Variants in PCDH9 observed in about 807,000 individuals in gnomAD.
PCDH9 encodes protocadherin 9.
PCDH9 carries 24 observed loss-of-function variants against 70.6 expected under a neutral mutation model. That is an observed-to-expected ratio of 0.34 (90% CI 0.25 to 0.48). PCDH9 has a LOEUF of 0.48. Ranked by LOEUF, PCDH9 falls within the 20% of genes least tolerant of loss-of-function variation. PCDH9 has a pLI of 0.99. For synonymous variants in PCDH9, 562 were observed against 558.5 expected, an observed-to-expected ratio of 1.01 and a Z score of -0.09; for missense variants, 1,281 against 1,503.6, an observed-to-expected ratio of 0.85 and a Z score of 2.45.
intron 3 of PCDH9, among the ~76,000 whole-genome samples, chr13:66,654,373 T>A (rs2077898113): frequency 6.6e-6 from 1 of 151,808 alleles, no homozygotes; most frequent in South Asian, 2.1e-4. Flanking sequence ...AAAAATATAA[T>A]TAGAAAGGAT....
chr13:66,310,292 G>C (rs1035010896), intron 4 of PCDH9, among the ~76,000 whole-genome samples: 1 of 151,864 alleles, frequency 6.6e-6, no homozygotes, highest in African/African-American at 2.4e-5. Flanking sequence ...TCATCTTCTC[G>C]TTAAACACCA....
At chr13:66,320,967 G>C (rs556178239) in intron 4 of PCDH9, among the ~76,000 whole-genome samples, 1 of 151,830 alleles carries the variant, frequency 6.6e-6, no homozygotes, top group Non-Finnish European at 1.5e-5. Flanking sequence ...AGTGTTTTTC[G>C]CTAAATCTAA....
At chr13:67,091,268 A>T (rs1316761988) in intron 2 of PCDH9, among the ~76,000 whole-genome samples, 1 of 152,192 alleles carries the variant, frequency 6.6e-6, no homozygotes, top group Non-Finnish European at 1.5e-5. Context: ...ATAAATGTAC[A>T]TAAAAGAGAA....
At chr13:67,187,947 A>T (rs1038649935) in intron 2 of PCDH9, among the ~76,000 whole-genome samples, 3 of 152,134 alleles carry the variant, frequency 2.0e-5, no homozygotes, top group African/African-American at 7.2e-5. Flanking sequence ...TTTGAAATAA[A>T]CAATAAATTA....
At chr13:66,628,379 C>A (rs902659837) in intron 4 of PCDH9, among the ~76,000 whole-genome samples, 3 of 152,178 alleles carry the variant, frequency 2.0e-5, no homozygotes, top group Admixed American at 6.5e-5. Flanking sequence ...CCACATGATT[C>A]TTTTTAACAA....
chr13:66,305,108 G>T, intron 4 of PCDH9, 80 bp from the exon 5 acceptor site: 3 of 1,204,894 alleles, frequency 2.5e-6, no homozygotes, highest in Non-Finnish European at 1.1e-6. Flanking sequence ...GAAAAAGTAT[G>T]TTATTAGTGA....
intron 2 of PCDH9, among the ~76,000 whole-genome samples, chr13:67,004,014 A>G (rs2139826142): frequency 6.6e-6 from 1 of 152,264 alleles, no homozygotes; most frequent in Middle Eastern, 3.4e-3. Flanking sequence ...ATTAGTTTTG[A>G]TGAAGTTCTT....
chr13:66,740,258 T>C (rs1335193986), intron 3 of PCDH9, among the ~76,000 whole-genome samples: 2 of 128,982 alleles, frequency 1.6e-5, no homozygotes, highest in Non-Finnish European at 3.3e-5. Flanking sequence ...CATAACGAAA[T>C]GAAGGCAGAA....
At chr13:67,148,365 A>G (rs1378598254) in intron 2 of PCDH9, among the ~76,000 whole-genome samples, 1 of 152,104 alleles carries the variant, frequency 6.6e-6, no homozygotes, top group Non-Finnish European at 1.5e-5. Flanking sequence ...AGGAATACTT[A>G]TAGTCTTTGA....
At chr13:67,045,113 T>C (rs2085197545) in intron 2 of PCDH9, among the ~76,000 whole-genome samples, 2 of 151,998 alleles carry the variant, frequency 1.3e-5, no homozygotes, top group South Asian at 4.1e-4. Flanking sequence ...TATTCAGCTC[T>C]CCAAGAGGCA....
At chr13:67,015,488 G>GAAATCATCAAAGTTGATTTGAT in intron 2 of PCDH9, among the ~76,000 whole-genome samples, 1 of 152,172 alleles carries the variant, frequency 6.6e-6, no homozygotes, top group Admixed American at 6.5e-5. Context: ...GCTCAACTTT[G>GAAATCATCAAAGTTGATTTGAT]AAATCATCAA....
At chr13:66,756,961 C>A (rs922598596) in intron 3 of PCDH9, among the ~76,000 whole-genome samples, 1 of 152,096 alleles carries the variant, frequency 6.6e-6, no homozygotes. Context: ...CTCAGCCTCC[C>A]AAGTAGCTGG....
chr13:66,919,058 T>C (rs2082600233), intron 2 of PCDH9, among the ~76,000 whole-genome samples: 3 of 151,308 alleles, frequency 2.0e-5, no homozygotes, highest in Non-Finnish European at 3.0e-5. Flanking sequence ...TCCTTTACTG[T>C]TCCTTTCCTG....
At position 66,790,204 on chromosome 13, in the gene PCDH9, G is replaced by A. The variant is rs911257472; in HGVS notation, c.3138+113300C>T. On this transcript the variant is annotated intron_variant, in intron 3 of 4. Transcript: ENST00000377865. ...TTGACATTTCTGTAATAAATAATAA[G>A]GTGGGACATTATTTTATATAGTTGT... is the stretch of plus-strand genomic sequence containing the variant. 4.6e-5 allele frequency among the ~76,000 whole-genome samples: 7 copies of A among 152,156 alleles called. No individual in the cohort carries two copies. The East Asian group carries it at 5.8e-4, about 13-fold the overall frequency.
intron 4 of PCDH9, among the ~76,000 whole-genome samples, chr13:66,339,677 A>G (rs952910282): frequency 1.3e-5 from 2 of 152,146 alleles, no homozygotes; most frequent in Non-Finnish European, 2.9e-5. Context: ...GAAATAGACA[A>G]AATGCATCTA....
chr13:66,547,146 T>C (rs139876586), intron 4 of PCDH9, among the ~76,000 whole-genome samples: 4 of 152,330 alleles, frequency 2.6e-5, no homozygotes, highest in South Asian at 4.2e-4. Flanking sequence ...AATTTAAAAT[T>C]TGTAAATTAA....
At chr13:66,617,463 T>C (rs2077370060) in intron 4 of PCDH9, among the ~76,000 whole-genome samples, 1 of 152,162 alleles carries the variant, frequency 6.6e-6, no homozygotes, top group Non-Finnish European at 1.5e-5. Flanking sequence ...TCTTCACTAG[T>C]AAGTAATTGT....
At chr13:66,440,911 A>G (rs1022301098) in intron 4 of PCDH9, among the ~76,000 whole-genome samples, 10 of 152,140 alleles carry the variant, frequency 6.6e-5, no homozygotes, top group African/African-American at 2.4e-4. Flanking sequence ...GGCTTCACGG[A>G]AACACACAGA....
At chr13:66,387,206 T>C (rs1286430870) in intron 4 of PCDH9, among the ~76,000 whole-genome samples, 1 of 152,198 alleles carries the variant, frequency 6.6e-6, no homozygotes, top group African/African-American at 2.4e-5. Flanking sequence ...ATTAGAAGAC[T>C]GTCTAGCCAA....
Sources: allele counts gnomAD v4.1 joint callset (sites outside exome capture counted in the v4.1 genomes callset), GRCh38; gene constraint gnomAD v4.1.1; transcripts MANE v1.5; gene names NCBI Gene and HGNC (gene_info 2026-07-23, HGNC 2026-07-21).